The following ADCYAP1R1 variants were observed in gnomAD, a reference collection of about 807,000 sequenced individuals.
The protein encoded by ADCYAP1R1 is ADCYAP receptor type I, also known as pituitary adenylate cyclase-activating polypeptide type I receptor.
In ADCYAP1R1, 44 loss-of-function variants were observed where a neutral mutation model predicts 67.6. The ratio of observed to expected loss-of-function variants is 0.65; its 90% CI spans 0.51 to 0.84. The LOEUF (loss-of-function observed/expected upper bound fraction) is 0.84. Ranked by LOEUF, ADCYAP1R1 falls within the 40% of genes least tolerant of loss-of-function variation. The pLI, the probability that ADCYAP1R1 is intolerant of heterozygous loss-of-function variation, is 0.00. For synonymous variants in ADCYAP1R1, 222 were observed against 219.6 expected (o/e 1.01, Z -0.10); for missense variants, 477 against 587.9 (o/e 0.81, Z 1.95).
Position 31,080,602 on chromosome 7 carries a change from C to T in ADCYAP1R1, c.266-11C>T, listed in dbSNP as rs766545639. On this transcript the variant is annotated splice_polypyrimidine_tract_variant and intron_variant, in intron 4 of 15. Transcript: ENST00000304166. ...CTGACTTTTCTCTCTCTCTCTTTCT[C>T]TCTGTTTCAGTCTGGGAGACCGAAA... 9 of 1,613,202 alleles carry T rather than the reference C, an allele frequency of 5.6e-6. No individual in the cohort carries two copies. The highest frequency in any genetic ancestry group is 6.8e-6 in the Non-Finnish European group (8 of 1,179,982).
chr7:31,104,917 C>A lies in ADCYAP1R1; in HGVS notation c.1218+8C>A, dbSNP rs1203173750. On this transcript the variant is annotated splice_region_variant and intron_variant, in intron 15 of 15. Transcript: ENST00000304166. ...TGTTTTCTGAATGGTGAGGTAAGAC[C>A]TTGGCCCTCTGGCTTCTTGGCAGTG... 7 of 1,614,128 alleles carry A rather than the reference C, an allele frequency of 4.3e-6. No homozygotes were observed. The highest frequency in any genetic ancestry group is 5.1e-6 in the Non-Finnish European group (6 of 1,179,984).
chr7:31,105,442 C>T (rs1030971313), intron 15 of ADCYAP1R1, among the ~76,000 whole-genome samples: 5 of 152,204 alleles, frequency 3.3e-5, no homozygotes, highest in African/African-American at 1.2e-4. Flanking sequence ...GACCTGGAAC[C>T]TTCTATTAAT....
intron 14 of ADCYAP1R1, among the ~76,000 whole-genome samples, chr7:31,103,843 C>T (rs1017543595): frequency 3.3e-5 from 5 of 152,098 alleles, no homozygotes; most frequent in Non-Finnish European, 5.9e-5. Context: ...AGAATGCTGC[C>T]TTAGTGCCTG....
intron 3 of ADCYAP1R1, among the ~76,000 whole-genome samples, chr7:31,067,031 C>T (rs890698995): frequency 4.6e-5 from 7 of 152,272 alleles, no homozygotes; most frequent in East Asian, 1.9e-4. Flanking sequence ...AAACAGTGGC[C>T]GGCTCCCACT....
At chr7:31,077,795 C>T (rs1001394259) in intron 3 of ADCYAP1R1, among the ~76,000 whole-genome samples, 196 bp from the exon 4 acceptor site, 1 of 126,312 alleles carries the variant, frequency 7.9e-6, no homozygotes, top group African/African-American at 3.1e-5. Flanking sequence ...GTGATGTGTG[C>T]GGTGTCTGTT....
intron 1 of ADCYAP1R1, among the ~76,000 whole-genome samples, chr7:31,059,023 G>A (rs1441578576): frequency 6.6e-6 from 1 of 152,100 alleles, no homozygotes; most frequent in Admixed American, 6.5e-5. Flanking sequence ...CACATACTAA[G>A]TATTTAATAA....
At chr7:31,063,134 G>T in intron 1 of ADCYAP1R1, 60 bp from the exon 2 acceptor site, 2 of 1,015,936 alleles carry the variant, frequency 2.0e-6, no homozygotes, top group Middle Eastern at 2.9e-4. Flanking sequence ...GAAGGGAGGT[G>T]GTCTTGCCCC....
Position 31,086,452 on chromosome 7 carries a change from C to T in ADCYAP1R1, c.738C>T (p.Ile246=), listed in dbSNP as rs150564353. 1.5e-4 allele frequency: 248 copies of T among 1,614,202 alleles called. No homozygotes were observed. The highest frequency in any genetic ancestry group is 6.7e-5 in the Admixed American group (4 of 60,022). The change falls in exon 10 of 16, where the codon ATC becomes ATT. Residue 246 remains isoleucine (I), a synonymous_variant. Coordinates refer to ENST00000304166, the MANE Select transcript of ADCYAP1R1 (RefSeq NM_001118.5). This position sits in a 1 kb window ranked among gnomAD's most constrained non-coding sequence, Gnocchi z 5.0. ...TGTCCAACTACTTCTGGCTGTTCATCGAGGGCCTGTACCTCTTCACTCTGC... is the reference window on the plus strand; with the variant it reads ...TGTCCAACTACTTCTGGCTGTTCATTGAGGGCCTGTACCTCTTCACTCTGC... ...CVVSNYFWLF[I]EGLYLFTLLV...
rs556079907 is a variant in ADCYAP1R1 at position 31,085,923 on chromosome 7, G to A, written c.670-461G>A. ...GAGGAGGTAGGTTAGGAAGAAGAGT[G>A]TAAAGTCCAGGGCCTTGACCAGGAG... is the stretch of plus-strand genomic sequence containing the variant. On this transcript the variant is annotated intron_variant, in intron 9 of 15. Transcript: ENST00000304166. 4.6e-5 allele frequency among the ~76,000 whole-genome samples: 7 copies of A among 152,294 alleles called. No individual in the cohort carries two copies. In the South Asian group the frequency reaches 1.5e-3, roughly 32 times the overall value.
chr7:31,107,797 A>G lies in ADCYAP1R1; in HGVS notation c.*1113A>G, dbSNP rs536401270. On this transcript the variant is annotated 3_prime_UTR_variant, in exon 16 of 16. Coordinates refer to ENST00000304166, the MANE Select transcript of ADCYAP1R1 (RefSeq NM_001118.5). ...CTCTGGCCTGGACTCAACTATTGAAATCTCTCTGAGACCTCTGCAAAGATG... is the reference window on the plus strand; with the variant it reads ...CTCTGGCCTGGACTCAACTATTGAAGTCTCTCTGAGACCTCTGCAAAGATG... 6.6e-6 allele frequency: 1 copy of G among 152,356 alleles called. No individual in the cohort carries two copies. Among genetic ancestry groups the G allele is most frequent in the South Asian group, 2.1e-4 (1 of 4,814 alleles). 9.4% of individuals were successfully genotyped at this position (152,356 alleles called of 1,614,324 possible). A position where few individuals can be genotyped will look rare whatever the true frequency, so the allele number is the denominator to read the frequency against.
At chr7:31,077,836 GTGT>G (rs1562639651) in intron 3 of ADCYAP1R1, among the ~76,000 whole-genome samples, 152 bp from the exon 4 acceptor site, 3 of 110,840 alleles carry the variant, frequency 2.7e-5, no homozygotes, top group Admixed American at 8.0e-5. Flanking sequence ...GTGTTTGTTG[GTGT>G]TGTGTGTGTG....
Position 31,106,909 on chromosome 7 carries a change from G to A in ADCYAP1R1, c.*225G>A. The A allele has an allele frequency of 1.9e-6, 1 of 530,038 alleles. No individual in the cohort carries two copies. Among genetic ancestry groups the A allele is most frequent in the Non-Finnish European group, 3.2e-6 (1 of 310,588 alleles). The allele number at this position is 530,038 out of a possible 1,614,324, so 32.8% of individuals were successfully genotyped here. On this transcript the variant is annotated 3_prime_UTR_variant, in exon 16 of 16. Transcript: ENST00000304166. The stretch of plus-strand genomic sequence containing the variant: ...TCCCCTGGGCCCTGACCCCAGACAT[G>A]TAAATACTCCTCAAATTTGGAAAAG...
chr7:31,070,388 G>T (rs1343821482), intron 3 of ADCYAP1R1, among the ~76,000 whole-genome samples: 2 of 152,328 alleles, frequency 1.3e-5, no homozygotes, highest in East Asian at 3.9e-4. Flanking sequence ...CATGGCAGGG[G>T]CAGCAGAGAG....
intron 13 of ADCYAP1R1, among the ~76,000 whole-genome samples, chr7:31,096,671 G>A (rs1280499975): frequency 2.0e-5 from 3 of 152,126 alleles, no homozygotes; most frequent in Admixed American, 6.5e-5. Flanking sequence ...TTGTGGTTGC[G>A]GAGGAGGTGG....
intron 3 of ADCYAP1R1, among the ~76,000 whole-genome samples, chr7:31,068,434 T>G (rs576145336): frequency 6.6e-6 from 1 of 152,260 alleles, no homozygotes; most frequent in East Asian, 1.9e-4. Flanking sequence ...TGGGCTGCAT[T>G]TGCTGCTCAG....
intron 4 of ADCYAP1R1, among the ~76,000 whole-genome samples, chr7:31,079,170 T>G (rs572199808): frequency 6.6e-6 from 1 of 152,300 alleles, no homozygotes; most frequent in East Asian, 1.9e-4. Context: ...ATGACTTCTT[T>G]GGATATGGGT....
At chr7:31,089,512 T>C (rs1477325598) in intron 12 of ADCYAP1R1, among the ~76,000 whole-genome samples, 1 of 152,014 alleles carries the variant, frequency 6.6e-6, no homozygotes, top group Admixed American at 6.6e-5. Flanking sequence ...ATTTATTTAG[T>C]CATGGCTATT....
At chr7:31,089,439 T>G (rs1272155692) in intron 12 of ADCYAP1R1, among the ~76,000 whole-genome samples, 1 of 151,992 alleles carries the variant, frequency 6.6e-6, no homozygotes, top group South Asian at 2.1e-4. Flanking sequence ...TTTTTTTTTT[T>G]TTAATCAGGA....
chr7:31,085,568 C>A, intron 9 of ADCYAP1R1, 126 bp downstream of exon 9: 2 of 1,081,388 alleles, frequency 1.8e-6, no homozygotes, highest in Non-Finnish European at 2.6e-6. Flanking sequence ...CAGGTGAAGG[C>A]ATTGCCCCAC....
Sources: allele counts gnomAD v4.1 joint callset (sites outside exome capture counted in the v4.1 genomes callset), GRCh38; gene constraint gnomAD v4.1.1; non-coding constraint Gnocchi (gnomAD v3.1); transcripts MANE v1.5; gene names NCBI Gene and HGNC (gene_info 2026-07-23, HGNC 2026-07-21).